The following DCC variants were observed in gnomAD, a reference collection of about 807,000 sequenced individuals.
The protein encoded by DCC is DCC netrin 1 receptor.
A neutral mutation model predicts 172.5 loss-of-function variants in DCC; 58 were observed. That is an observed-to-expected ratio of 0.34 (90% CI 0.27 to 0.42). The LOEUF (loss-of-function observed/expected upper bound fraction) is 0.42, where lower values mean the gene tolerates loss of function less well. DCC is among the 10% of genes least tolerant of loss of function. The pLI is 1.00. For synonymous variants in DCC, 709 were observed against 644.5 expected (o/e 1.10, Z -1.52); for missense variants, 1,740 against 1,791.0 (o/e 0.97, Z 0.51).
At chr18:53,143,800 T>C (rs1176265758) in intron 7 of DCC, among the ~76,000 whole-genome samples, 2 of 152,232 alleles carry the variant, frequency 1.3e-5, no homozygotes, top group Non-Finnish European at 2.9e-5. Flanking sequence ...TGTCAAAATA[T>C]TTACTTATGA....
chr18:52,996,223 A>C (rs1599011484), intron 5 of DCC, among the ~76,000 whole-genome samples: 2 of 151,746 alleles, frequency 1.3e-5, no homozygotes, highest in South Asian at 2.1e-4. Context: ...TTAAATCTTC[A>C]CTTTAAGAAG....
chr18:52,545,718 A>G (rs942750137), intron 1 of DCC, among the ~76,000 whole-genome samples: 3 of 152,210 alleles, frequency 2.0e-5, no homozygotes, highest in African/African-American at 7.2e-5. Context: ...AAACAGCTTC[A>G]TGGGAAGATT....
chr18:53,245,583 C>T (rs1046697128), intron 12 of DCC, among the ~76,000 whole-genome samples: 9 of 152,042 alleles, frequency 5.9e-5, no homozygotes, highest in Admixed American at 2.6e-4. Context: ...TCAGATATGT[C>T]GGTTTACAGT....
rs1555675518 is a variant in DCC, at chr18:52,868,053, ATGTGTG to A, written c.413-37971_413-37966del. Among the ~76,000 whole-genome samples, 94 of 144,348 alleles carry A rather than the reference ATGTGTG, an allele frequency of 6.5e-4. 1 individual carries two copies. The highest frequency in any genetic ancestry group is 8.6e-4 in the Non-Finnish European group (57 of 66,556). 94.7% of individuals were successfully genotyped at this position (144,348 alleles called of 152,430 possible). A position where few individuals can be genotyped will look rare whatever the true frequency, so the allele number is the denominator to read the frequency against. On this transcript the variant is annotated intron_variant, in intron 2 of 28. Coordinates refer to ENST00000442544, the MANE Select transcript of DCC (RefSeq NM_005215.4). The stretch of plus-strand genomic sequence containing the variant: ...TGTGTGTATATATATATATATATAT[ATGTGTG>A]TGTGTGTGTGTGTGTGTGTATATAT...
rs71175533 is a variant in DCC, at chr18:52,879,412, C to CTTTTTTTTTTTTTTTT, written c.413-26618_413-26603dup. The stretch of plus-strand genomic sequence containing the variant: ...AATTTCTAGCCCATATGTTGTTTGG[C>CTTTTTTTTTTTTTTTT]TTTTTTTTTTTTTTTTTTTTTTTTT... On this transcript the variant is annotated intron_variant, in intron 2 of 28. Transcript: ENST00000442544. 6.6e-3 allele frequency among the ~76,000 whole-genome samples: 412 copies of CTTTTTTTTTTTTTTTT among 62,252 alleles called. 88 individuals are homozygous for CTTTTTTTTTTTTTTTT. The highest frequency in any genetic ancestry group is 0.033 in the Middle Eastern group (3 of 90). The allele number at this position is 62,252 out of a possible 152,430, so 40.8% of individuals were successfully genotyped here. A position where few individuals can be genotyped will look rare whatever the true frequency, so the allele number is the denominator to read the frequency against.
chr18:53,205,252 T>C lies in DCC; in HGVS notation c.1610T>C (p.Val537Ala). ...GGGCCAGTAGAAAACCTGCAAGCTGTATCTACCTCACCTACCTCAATTCTT... is the reference window on the plus strand; with the variant it reads ...GGGCCAGTAGAAAACCTGCAAGCTGCATCTACCTCACCTACCTCAATTCTT... The part of the protein sequence containing the change: ...VPGPVENLQA[V>A]STSPTSILIT... The change falls in exon 10 of 29, where the codon GTA becomes GCA. Residue 537 changes from valine to alanine, a missense_variant. By Grantham distance (64) the Val-to-Ala change is moderately conservative (BLOSUM62 0). Around this residue, in one of 2 missense-constraint regions of DCC, gnomAD observed 1,732 missense variants for 1,767.4 expected, o/e 0.98. Transcript: ENST00000442544. The C allele has an allele frequency of 6.2e-7, 1 of 1,613,686 alleles. No homozygotes were observed. The highest frequency in any genetic ancestry group is 8.5e-7 in the Non-Finnish European group (1 of 1,179,632).
intron 1 of DCC, among the ~76,000 whole-genome samples, chr18:52,541,890 T>TA (rs5824945): frequency 0.052 from 7,390 of 142,782 alleles, 403 homozygotes; most frequent in Admixed American, 0.12. Context: ...TATATATATA[T>TA]ATATATGTGT....
intron 5 of DCC, among the ~76,000 whole-genome samples, chr18:53,060,315 A>G (rs1194451974): frequency 1.3e-5 from 2 of 152,082 alleles, no homozygotes; most frequent in African/African-American, 2.4e-5. Context: ...GAGCCACAGT[A>G]CCTGGTTAGA....
chr18:52,767,463 C>T (rs1054671139), intron 2 of DCC, among the ~76,000 whole-genome samples: 1 of 152,138 alleles, frequency 6.6e-6, no homozygotes, highest in Non-Finnish European at 1.5e-5. Flanking sequence ...TCATTACAGA[C>T]ATAAAAATAA....
chr18:52,794,334 T>G (rs2037831674), intron 2 of DCC, among the ~76,000 whole-genome samples: 1 of 151,448 alleles, frequency 6.6e-6, no homozygotes, highest in Non-Finnish European at 1.5e-5. Context: ...TCAATTTCTT[T>G]CATCATTTTT....
chr18:52,928,364 C>T (rs1190074520), intron 5 of DCC, among the ~76,000 whole-genome samples: 1 of 152,054 alleles, frequency 6.6e-6, no homozygotes. Context: ...ACAAAATAAT[C>T]TGTACACCAA....
At chr18:52,518,655 A>G (rs1427767132) in intron 1 of DCC, among the ~76,000 whole-genome samples, 1 of 152,144 alleles carries the variant, frequency 6.6e-6, no homozygotes, top group African/African-American at 2.4e-5. Context: ...GGCATGATGA[A>G]TATTTGTCTG....
chr18:53,482,759 C>T (rs1422763948), intron 25 of DCC, among the ~76,000 whole-genome samples: 1 of 151,922 alleles, frequency 6.6e-6, no homozygotes, highest in Non-Finnish European at 1.5e-5. Flanking sequence ...GTTTTGCAAT[C>T]TAGCAATCCA....
chr18:53,319,866 C>CT (rs35638381), intron 13 of DCC, among the ~76,000 whole-genome samples: 93,597 of 151,390 alleles, frequency 0.62, 29,464 homozygotes, highest in African/African-American at 0.67. Context: ...TACATATGGA[C>CT]TTATTCCCAT....
chr18:52,998,816 TTGTG>T (rs79283122), intron 5 of DCC, among the ~76,000 whole-genome samples: 100 of 151,352 alleles, frequency 6.6e-4, no homozygotes, highest in African/African-American at 2.2e-3. Flanking sequence ...GTTTTTAGGT[TTGTG>T]TGTGTGTGTG....
At chr18:53,254,243 A>G (rs1398178621) in intron 12 of DCC, among the ~76,000 whole-genome samples, 2 of 152,104 alleles carry the variant, frequency 1.3e-5, no homozygotes, top group African/African-American at 2.4e-5. Context: ...CTCTGAAATG[A>G]TAACTTTTTC....
At chr18:52,349,939 C>T (rs1984043594) in intron 1 of DCC, among the ~76,000 whole-genome samples, 1 of 152,048 alleles carries the variant, frequency 6.6e-6, no homozygotes, top group Admixed American at 6.6e-5. Context: ...AGTAAGCTCT[C>T]CAGAGTCATA....
intron 5 of DCC, among the ~76,000 whole-genome samples, chr18:52,954,402 A>G (rs536905921): frequency 6.6e-6 from 1 of 152,266 alleles, no homozygotes; most frequent in East Asian, 1.9e-4. Flanking sequence ...TATATTCTAC[A>G]TATGTACTCT....
intron 1 of DCC, among the ~76,000 whole-genome samples, chr18:52,516,750 T>G (rs1389151340): frequency 6.6e-6 from 1 of 152,238 alleles, no homozygotes; most frequent in East Asian, 1.9e-4. Context: ...TTAATAACCT[T>G]TATTTTTTTT....
Sources: allele counts gnomAD v4.1 joint callset (sites outside exome capture counted in the v4.1 genomes callset), GRCh38; gene constraint gnomAD v4.1.1; regional missense constraint gnomAD v4.1.1; transcripts MANE v1.5; gene names NCBI Gene and HGNC (gene_info 2026-07-23, HGNC 2026-07-21).